The following LHPP variants were observed in gnomAD, a reference collection of about 807,000 sequenced individuals.
LHPP encodes the protein hLHPP.
LHPP carries 24 observed loss-of-function variants against 30.3 expected under a neutral mutation model. That is an observed-to-expected ratio of 0.79 (90% CI 0.57 to 1.11). The LOEUF (loss-of-function observed/expected upper bound fraction) is 1.11, where lower values mean the gene tolerates loss of function less well. Ranked by LOEUF, LHPP falls within the 50% of genes most tolerant of loss-of-function variation. The probability of loss-of-function intolerance (pLI) is 0.00; values close to 1 mark genes in which losing one functional copy is unlikely to be tolerated. For synonymous variants in LHPP, 150 were observed against 157.1 expected (o/e 0.95, Z 0.34); for missense variants, 356 against 367.2 (o/e 0.97, Z 0.25).
chr10:124,555,179 C>T (rs1948274495), intron 6 of LHPP, among the ~76,000 whole-genome samples: 1 of 152,302 alleles, frequency 6.6e-6, no homozygotes, highest in Non-Finnish European at 1.5e-5. Flanking sequence ...CCTGGGTGGG[C>T]CAGTGGGGAT....
Position 124,496,999 on chromosome 10 carries a change from TTGG to T in LHPP, c.508_510del (p.Gly170del). The T allele has an allele frequency of 6.2e-7, 1 of 1,614,146 alleles. No homozygotes were observed. The highest frequency in any genetic ancestry group is 8.5e-7 in the Non-Finnish European group (1 of 1,179,974). On this transcript the variant is annotated inframe_deletion, in exon 4 of 7. Coordinates refer to ENST00000368842, the MANE Select transcript of LHPP (RefSeq NM_022126.4). This position sits in a 1 kb window ranked among gnomAD's most constrained non-coding sequence, Gnocchi z 4.3. ...GAGACCTCTGGCCTGATGCTGGACG[TTGG>T]TCCCTACATGAAGGCGCTTGAGGTA...
intron 1 of LHPP, among the ~76,000 whole-genome samples, chr10:124,462,549 C>T (rs1952435163): frequency 6.6e-6 from 1 of 152,134 alleles, no homozygotes; most frequent in South Asian, 2.1e-4. Flanking sequence ...GAGCTGTGAT[C>T]ACCCCACTGT....
chr10:124,506,701 G>A (rs547399674), intron 5 of LHPP, among the ~76,000 whole-genome samples: 12 of 86,300 alleles, frequency 1.4e-4, no homozygotes, highest in Admixed American at 2.6e-4. Context: ...AGGTTGGCGG[G>A]TAGGGAAGAT....
In LHPP at chr10:124,504,826, A is replaced by G. The variant is rs554375065; in HGVS notation, c.624+6698A>G. ...TTTCGAATGAGATACAGCCCACCTC[A>G]CCGCCGAAAGAAGACCCCTCATGGG... On this transcript the variant is annotated intron_variant, in intron 5 of 6. Transcript: ENST00000368842. 1.3e-3 allele frequency among the ~76,000 whole-genome samples: 192 copies of G among 152,168 alleles called. 2 individuals carry two copies. Among genetic ancestry groups the G allele is most frequent in the Non-Finnish European group, 2.4e-3 (161 of 68,000 alleles).
chr10:124,530,526 A>G (rs1266400581), intron 6 of LHPP, among the ~76,000 whole-genome samples: 1 of 18,944 alleles, frequency 5.3e-5, no homozygotes, highest in Non-Finnish European at 1.1e-4. Context: ...CTCATAGTGC[A>G]TGCACACACA....
intron 1 of LHPP, among the ~76,000 whole-genome samples, chr10:124,482,874 G>T (rs1589772537): frequency 6.6e-6 from 1 of 152,184 alleles, no homozygotes; most frequent in South Asian, 2.1e-4. Flanking sequence ...CCTTTGCAGG[G>T]TCTCTTGTTC....
At chr10:124,476,802 G>A (rs966638300) in intron 1 of LHPP, among the ~76,000 whole-genome samples, 5 of 152,216 alleles carry the variant, frequency 3.3e-5, no homozygotes, top group Non-Finnish European at 5.9e-5. Context: ...CACCTTGTGG[G>A]TTTCAATTCT....
At chr10:124,464,042 C>CAGGA (rs1952487528) in intron 1 of LHPP, among the ~76,000 whole-genome samples, 1 of 152,126 alleles carries the variant, frequency 6.6e-6, no homozygotes, top group African/African-American at 2.4e-5. Flanking sequence ...CGGTCTTGAA[C>CAGGA]TCCTGGGCTG....
intron 1 of LHPP, among the ~76,000 whole-genome samples, chr10:124,466,677 G>A (rs1254945): frequency 0.27 from 40,288 of 151,564 alleles, 5,777 homozygotes; most frequent in Admixed American, 0.33. Flanking sequence ...GGCTGGTTTC[G>A]AACTCCTGAC....
intron 6 of LHPP, among the ~76,000 whole-genome samples, chr10:124,551,849 G>C (rs917635491): frequency 2.6e-5 from 4 of 152,072 alleles, no homozygotes; most frequent in African/African-American, 7.2e-5. Flanking sequence ...GCTCCAGCCT[G>C]ACCTCACCAC....
chr10:124,524,424 G>C (rs377150384), intron 6 of LHPP, among the ~76,000 whole-genome samples: 1 of 151,558 alleles, frequency 6.6e-6, no homozygotes, highest in African/African-American at 2.4e-5. Context: ...TTATAGCCAC[G>C]CACCACCATG....
intron 6 of LHPP, among the ~76,000 whole-genome samples, chr10:124,571,811 G>T (rs1159585459): frequency 6.6e-6 from 1 of 152,210 alleles, no homozygotes; most frequent in African/African-American, 2.4e-5. Context: ...TCACATGCTA[G>T]CAGAGGAAGA....
rs1953007777 is a variant in LHPP, at chr10:124,478,086, C to CT, written c.126-6052dup. On this transcript the variant is annotated intron_variant, in intron 1 of 6. Coordinates refer to ENST00000368842, the MANE Select transcript of LHPP (RefSeq NM_022126.4). The surrounding 1 kb of genome is among the most constrained non-coding windows in gnomAD (Gnocchi z 4.7). ...TTGGGCACCAGGCATGGCAGAGGTGCTGAGCAGACAAAACCCTGCCCTCCC... is the reference window on the plus strand; with the variant it reads ...TTGGGCACCAGGCATGGCAGAGGTGCTTGAGCAGACAAAACCCTGCCCTCCC... Among the ~76,000 whole-genome samples, 1 of 152,168 alleles carries CT rather than the reference C, an allele frequency of 6.6e-6. No homozygotes were observed. The highest frequency in any genetic ancestry group is 2.4e-5 in the African/African-American group (1 of 41,448).
chr10:124,486,791 A>G (rs1397653054), intron 2 of LHPP, among the ~76,000 whole-genome samples: 1 of 152,184 alleles, frequency 6.6e-6, no homozygotes, highest in Non-Finnish European at 1.5e-5. Flanking sequence ...GTTCACTGTA[A>G]GCCAAGCTGT....
At chr10:124,585,310 C>T (rs1239121153) in intron 6 of LHPP, among the ~76,000 whole-genome samples, 1 of 151,974 alleles carries the variant, frequency 6.6e-6, no homozygotes, top group Non-Finnish European at 1.5e-5. Context: ...TTCTTTCTTT[C>T]TTTTTTAAGA....
chr10:124,601,538 C>G (rs375563385), intron 6 of LHPP, among the ~76,000 whole-genome samples: 85 of 152,336 alleles, frequency 5.6e-4, no homozygotes, highest in African/African-American at 1.5e-3. Flanking sequence ...GGTGGGCGGC[C>G]AAGCGTCACC....
At chr10:124,520,480 C>T (rs1308104190) in intron 6 of LHPP, among the ~76,000 whole-genome samples, 1 of 152,218 alleles carries the variant, frequency 6.6e-6, no homozygotes, top group Non-Finnish European at 1.5e-5. Context: ...CCATATCCAC[C>T]AAGCTCCAGA....
chr10:124,503,072 A>AT (rs1010467327), intron 5 of LHPP, among the ~76,000 whole-genome samples: 14 of 150,620 alleles, frequency 9.3e-5, no homozygotes, highest in Admixed American at 4.0e-4. Context: ...TAATTCTTTT[A>AT]TTTTTTTATT....
rs538010205 is a variant in LHPP, at chr10:124,468,889, G to A, written c.125+6902G>A. On this transcript the variant is annotated intron_variant, in intron 1 of 6. Transcript: ENST00000368842. ...CGTGGCAGATGCCCAGAGTGGCTGCGAAGGTGGTGCAGGAAACGCCCCCTC... is the reference window on the plus strand; with the variant it reads ...CGTGGCAGATGCCCAGAGTGGCTGCAAAGGTGGTGCAGGAAACGCCCCCTC... Among the ~76,000 whole-genome samples the A allele has an allele frequency of 5.9e-5, 9 of 151,810 alleles. No individual in the cohort carries two copies. In the South Asian group the frequency reaches 1.0e-3, roughly 18 times the overall value.
Sources: gnomAD v4.1 joint callset for allele counts (sites outside exome capture counted in the v4.1 genomes callset) on GRCh38, gnomAD v4.1.1 for gene constraint, Gnocchi (gnomAD v3.1) non-coding constraint, MANE v1.5 for transcripts, NCBI Gene and HGNC (gene_info 2026-07-23, HGNC 2026-07-21) for gene names.